The following ADGRG4 variants were observed in gnomAD, a reference collection of about 807,000 sequenced individuals.
ADGRG4 encodes the protein adhesion G protein-coupled receptor G4, also known as G protein-coupled receptor 112.
Under a neutral mutation model 126.2 loss-of-function variants are expected in ADGRG4, and 122 were observed. That is an observed-to-expected ratio of 0.97 (90% CI 0.83 to 1.12). The LOEUF (loss-of-function observed/expected upper bound fraction) is 1.12, where lower values mean the gene tolerates loss of function less well. Among genes scored for constraint, ADGRG4 ranks in the 50% most tolerant of loss-of-function variants. The pLI is 0.00. For synonymous variants in ADGRG4, 943 were observed against 838.7 expected, an observed-to-expected ratio of 1.12 and a Z score of -2.15; for missense variants, 2,481 against 2,251.8, an observed-to-expected ratio of 1.10 and a Z score of -2.06.
At chrX:136,334,596 AT>A (rs1326279732) in intron 5 of ADGRG4, among the ~76,000 whole-genome samples, 1 of 112,192 alleles carries the variant, frequency 8.9e-6, no homozygotes, top group African/African-American at 3.2e-5. Flanking sequence ...GTGCTTCTCC[AT>A]TTTTTAAGGT....
intron 24 of ADGRG4, among the ~76,000 whole-genome samples, chrX:136,413,693 C>T (rs1317037085): frequency 3.6e-5 from 4 of 111,017 alleles, no homozygotes; most frequent in African/African-American, 9.8e-5. Flanking sequence ...TTCAGGTACC[C>T]GGAATGAACA....
chrX:136,338,186 C>A (rs1019670003), intron 5 of ADGRG4, among the ~76,000 whole-genome samples: 3 of 105,185 alleles, frequency 2.9e-5, no homozygotes, highest in Non-Finnish European at 3.9e-5. Context: ...AATACAGAGT[C>A]TCGTTCTGTC....
chrX:136,381,129 T>C (rs1258425711), intron 15 of ADGRG4, among the ~76,000 whole-genome samples: 2 of 112,118 alleles, frequency 1.8e-5, no homozygotes, highest in African/African-American at 6.5e-5. Flanking sequence ...TTAGCTGTAG[T>C]CCACAAATTT....
intron 13 of ADGRG4, among the ~76,000 whole-genome samples, chrX:136,366,479 A>G (rs1386488501): frequency 8.9e-6 from 1 of 112,650 alleles, no homozygotes; most frequent in African/African-American, 3.2e-5. Context: ...CTAACTACGA[A>G]TACAGCTACT....
At chrX:136,355,457 T>C (rs1184601359) in intron 8 of ADGRG4, among the ~76,000 whole-genome samples, 1 of 111,479 alleles carries the variant, frequency 9.0e-6, no homozygotes, top group East Asian at 2.8e-4. Flanking sequence ...AAACATTCTT[T>C]TTAAAAACTG....
chrX:136,403,903 G>A (rs1046039522), intron 22 of ADGRG4, among the ~76,000 whole-genome samples: 2 of 111,284 alleles, frequency 1.8e-5, no homozygotes, highest in African/African-American at 6.5e-5. Flanking sequence ...ACAATCACGC[G>A]AGAGTAGCAA....
At chrX:136,311,320 G>A in intron 4 of ADGRG4, among the ~76,000 whole-genome samples, 1 of 109,734 alleles carries the variant, frequency 9.1e-6, no homozygotes, top group South Asian at 4.0e-4. Context: ...TATTGGCTGT[G>A]TAATGGATAT....
At chrX:136,397,491 C>CTTTTTTT (rs1184936316) in intron 19 of ADGRG4, among the ~76,000 whole-genome samples, 50 of 50,565 alleles carry the variant, frequency 9.9e-4, no homozygotes, top group African/African-American at 1.8e-3. Context: ...AGGAAAAGGA[C>CTTTTTTT]TTTTTTTTTT....
At chrX:136,389,582 A>G (rs186150786) in intron 16 of ADGRG4, among the ~76,000 whole-genome samples, 2 of 112,309 alleles carry the variant, frequency 1.8e-5, no homozygotes, top group African/African-American at 6.5e-5. Flanking sequence ...CCTAACTCAT[A>G]TCATCCCATC....
chrX:136,415,097 A>AGT (rs1349949697), intron 25 of ADGRG4, among the ~76,000 whole-genome samples: 1 of 112,437 alleles, frequency 8.9e-6, no homozygotes, highest in East Asian at 2.8e-4. Flanking sequence ...ATGATAGTGC[A>AGT]GTGGTCTTTG....
intron 5 of ADGRG4, among the ~76,000 whole-genome samples, chrX:136,326,856 C>T (rs952819778): frequency 9.0e-5 from 10 of 110,678 alleles, no homozygotes; most frequent in African/African-American, 3.0e-4. Context: ...TGCTAGGTTA[C>T]AAATCTCAAT....
chrX:136,381,684 A>T (rs970102468), intron 15 of ADGRG4, among the ~76,000 whole-genome samples: 1 of 111,188 alleles, frequency 9.0e-6, no homozygotes, highest in Non-Finnish European at 1.9e-5. Flanking sequence ...GTATGTATAT[A>T]TATATGTATA....
chrX:136,324,453 G>T (rs1294607236), intron 5 of ADGRG4, among the ~76,000 whole-genome samples: 3 of 110,351 alleles, frequency 2.7e-5, no homozygotes, highest in Non-Finnish European at 5.7e-5. Flanking sequence ...TCTAGCCAAG[G>T]CTAGAGTGAA....
intron 24 of ADGRG4, 151 bp from the exon 25 acceptor site, chrX:136,414,009 G>A: frequency 2.3e-6 from 1 of 426,568 alleles, no homozygotes; most frequent in Non-Finnish European, 3.8e-6. Flanking sequence ...CCAAAGTGCT[G>A]GAATTACAGG....
chrX:136,347,834 G>C lies in ADGRG4; in HGVS notation c.4128G>C (p.Leu1376Phe). 8.3e-7 allele frequency: 1 copy of C among 1,208,606 alleles called. No individual in the cohort carries two copies. Among genetic ancestry groups the C allele is most frequent in the Non-Finnish European group, 1.1e-6 (1 of 893,308 alleles). The change falls in exon 6 of 26, where the codon TTG (leucine) becomes TTC (phenylalanine). Residue 1376 changes from leucine to phenylalanine, a missense_variant. Coordinates refer to ENST00000394143, the MANE Select transcript of ADGRG4 (RefSeq NM_153834.4). Reference protein sequence around the residue: ...PSQALTITTFLCPEKESTSAL... With the variant: ...PSQALTITTFFCPEKESTSAL... ...AAGCTCTGACAATCACCACTTTTTT[G>C]TGTCCTGAAAAGGAAAGCACGAGTG... is the stretch of plus-strand genomic sequence containing the variant.
chrX:136,398,172 T>A (rs1322670809), intron 20 of ADGRG4, among the ~76,000 whole-genome samples, 170 bp downstream of exon 20: 1 of 111,985 alleles, frequency 8.9e-6, no homozygotes, highest in Non-Finnish European at 1.9e-5. Flanking sequence ...CTAAAAATAT[T>A]TTAATTGGAT....
intron 13 of ADGRG4, among the ~76,000 whole-genome samples, chrX:136,364,596 AT>A (rs2075147837): frequency 8.9e-6 from 1 of 111,845 alleles, no homozygotes; most frequent in Admixed American, 9.5e-5. Context: ...CTGTACAACT[AT>A]TTTTGTGTTT....
intron 4 of ADGRG4, among the ~76,000 whole-genome samples, chrX:136,318,244 T>A (rs765680801): frequency 8.9e-6 from 1 of 111,820 alleles, no homozygotes; most frequent in South Asian, 3.7e-4. Context: ...TGGTACAACA[T>A]GGATGAACAT....
In ADGRG4 at chrX:136,357,747, T is replaced by C; in HGVS notation, c.6971T>C (p.Val2324Ala). The change falls in exon 10 of 26, where the codon GTA becomes GCA. Residue 2324 changes from valine (V) to alanine (A), a missense_variant. Coordinates refer to ENST00000394143, the MANE Select transcript of ADGRG4 (RefSeq NM_153834.4). ...EGQEMATISY[V>A]PYSCVCQVII... is the part of the protein sequence containing the mutation. Reference sequence around the variant, plus strand: ...CAAGAAATGGCTACAATTTCCTATGTACCATACAGGTAGGAAGTAGGAACT... The same window carrying C: ...CAAGAAATGGCTACAATTTCCTATGCACCATACAGGTAGGAAGTAGGAACT... The C allele has an allele frequency of 8.6e-7, 1 of 1,166,755 alleles. No individual in the cohort carries two copies. The highest frequency in any genetic ancestry group is 1.8e-5 in the South Asian group (1 of 54,584).
Sources: gnomAD v4.1 joint callset for allele counts (sites outside exome capture counted in the v4.1 genomes callset) on GRCh38, gnomAD v4.1.1 for gene constraint, MANE v1.5 for transcripts, NCBI Gene and HGNC (gene_info 2026-07-23, HGNC 2026-07-21) for gene names.